WDR81: variants seen among roughly 807,000 people sequenced by gnomAD.
The protein encoded by WDR81 is WD repeat-containing protein 81.
A neutral mutation model predicts 140.8 loss-of-function variants in WDR81; 92 were observed. The observed-to-expected ratio is 0.65, with a 90% CI of 0.55 to 0.78. The LOEUF is 0.78. WDR81 is among the 30% of genes least tolerant of loss of function. WDR81 has a pLI of 0.00. For missense variants in WDR81, 2,502 were observed against 2,636.4 expected (o/e 0.95, Z 1.12); for synonymous variants, 1,183 against 1,156.4 (o/e 1.02, Z -0.47).
chr17:1,720,077 T>A (rs768121162), upstream of WDR81, among the ~76,000 whole-genome samples: 2 of 152,032 alleles, frequency 1.3e-5, no homozygotes. Context: ...GTAGATTTAA[T>A]TAGAAAACAC....
In WDR81 at chr17:1,725,441, C is replaced by T. The variant is rs374149596; in HGVS notation, c.482C>T (p.Pro161Leu). The change falls in exon 1 of 10, where the codon CCG becomes CTG. Residue 161 changes from proline to leucine, a missense_variant. Coordinates refer to ENST00000409644, the MANE Select transcript of WDR81 (RefSeq NM_001163809.2). ...WRHAYHTYGQPYSHSPAPSAV... is the reference protein window; with the variant it reads ...WRHAYHTYGQLYSHSPAPSAV... ...CATGCATACCACACTTACGGCCAGCCGTACAGTCACAGCCCTGCCCCCTCA... is the reference window on the plus strand; with the variant it reads ...CATGCATACCACACTTACGGCCAGCTGTACAGTCACAGCCCTGCCCCCTCA... 34 of 1,549,322 alleles carry T rather than the reference C, an allele frequency of 2.2e-5. No individual in the cohort carries two copies. The highest frequency in any genetic ancestry group is 2.7e-5 in the Non-Finnish European group (31 of 1,146,996).
chr17:1,722,151 G>A (rs888881784), upstream of WDR81, among the ~76,000 whole-genome samples: 4 of 151,950 alleles, frequency 2.6e-5, no homozygotes, highest in Non-Finnish European at 5.9e-5. Context: ...TAAAAGGGGT[G>A]GTGAGGATTA....
chr17:1,736,837 G>T lies in WDR81; in HGVS notation c.5506-528G>T, dbSNP rs536036325. Among the ~76,000 whole-genome samples the T allele has an allele frequency of 2.0e-5, 3 of 152,288 alleles. No homozygotes were observed. In the East Asian group the frequency reaches 5.8e-4, roughly 29 times the overall value. On this transcript the variant is annotated intron_variant, in intron 9 of 9. Transcript: ENST00000409644. ...GACTTTCCTCCCCAGCTTGGCTGGA[G>T]GCCAGGAGTCTTGCATTGCCCTGCT...
rs749630798 is a variant in WDR81, at chr17:1,726,305, C to G, written c.1346C>G (p.Thr449Arg). 3 of 1,543,730 alleles carry G rather than the reference C, an allele frequency of 1.9e-6. No homozygotes were observed. Among genetic ancestry groups the G allele is most frequent in the Non-Finnish European group, 2.6e-6 (3 of 1,142,546 alleles). ...HHISDVLSDI[T>R]YYVYKARRTP... is the part of the protein sequence containing the mutation. The stretch of plus-strand genomic sequence containing the variant: ...ATCTCAGACGTGCTCTCCGACATCA[C>G]GTACTATGTGTACAAGGCTCGGCGC... The change falls in exon 1 of 10, where the codon ACG (threonine) becomes AGG (arginine). Residue 449 changes from threonine (T) to arginine (R), a missense_variant. Transcript: ENST00000409644.
chr17:1,722,340 T>A (rs1914911634), upstream of WDR81, among the ~76,000 whole-genome samples: 1 of 150,588 alleles, frequency 6.6e-6, no homozygotes, highest in South Asian at 2.1e-4. Context: ...ATTCCTGTTT[T>A]CTCTCTCTTT....
chr17:1,735,674 A>C lies in WDR81; in HGVS notation c.5282A>C (p.Asp1761Ala). The C allele has an allele frequency of 6.2e-7, 1 of 1,612,686 alleles. No individual in the cohort carries two copies. Among genetic ancestry groups the C allele is most frequent in the South Asian group, 1.1e-5 (1 of 91,060 alleles). Reference sequence around the variant, plus strand: ...ACCAGCATCACCATGGCCAGCTCTGACTCTACCCTGCGCTTTGTGGACTGC... The same window carrying C: ...ACCAGCATCACCATGGCCAGCTCTGCCTCTACCCTGCGCTTTGTGGACTGC... ...PHTSITMASSDSTLRFVDCRK... is the reference protein window; with the variant it reads ...PHTSITMASSASTLRFVDCRK... The change falls in exon 8 of 10, where the codon GAC becomes GCC. Residue 1761 changes from aspartate to alanine, a missense_variant. By Grantham distance (126) the Asp-to-Ala change is moderately radical (BLOSUM62 -2). This residue lies in a region of WDR81 where 1,737 missense variants were observed against 1,843.0 expected (regional missense o/e 0.94). Transcript: ENST00000409644. The surrounding 1 kb of genome is among the most constrained non-coding windows in gnomAD (Gnocchi z 4.2).
chr17:1,731,320 G>T, intron 4 of WDR81, 62 bp downstream of exon 4: 1 of 1,547,088 alleles, frequency 6.5e-7, no homozygotes, highest in Non-Finnish European at 8.7e-7. Context: ...CCCAGGAGGG[G>T]GTGGGAAGCT....
chr17:1,724,448 C>T (rs1915068301), upstream of WDR81: 4 of 982,636 alleles, frequency 4.1e-6, no homozygotes, highest in Non-Finnish European at 4.8e-6. Context: ...CTGGGAACAG[C>T]CTCCGGGACC....
At position 1,735,140 on chromosome 17, in the gene WDR81, C is replaced by CA. The variant is rs1179692833; in HGVS notation, c.5180-425dup. 2.6e-5 allele frequency among the ~76,000 whole-genome samples: 4 copies of CA among 151,856 alleles called. No homozygotes were observed. In the East Asian group the frequency reaches 7.8e-4, roughly 29 times the overall value. On this transcript the variant is annotated intron_variant, in intron 7 of 9. Transcript: ENST00000409644. The surrounding 1 kb of genome is among the most constrained non-coding windows in gnomAD (Gnocchi z 4.2). The stretch of plus-strand genomic sequence containing the variant: ...TGAAACCCCATCTCTACTAAGAATA[C>CA]AAAAAAAGGCCGGACGCGGTGGCTC...
At chr17:1,737,224 TG>T in intron 9 of WDR81, 140 bp from the exon 10 acceptor site, 1 of 702,544 alleles carries the variant, frequency 1.4e-6, no homozygotes, top group Non-Finnish European at 2.3e-6. Context: ...ATGGTGTGTG[TG>T]GGAGGGTGGC....
In WDR81 at chr17:1,724,740, C is replaced by T; in HGVS notation, c.-220C>T. 1 of 1,115,426 alleles carries T rather than the reference C, an allele frequency of 9.0e-7. No homozygotes were observed. Among genetic ancestry groups the T allele is most frequent in the Non-Finnish European group, 1.1e-6 (1 of 914,566 alleles). The allele number at this position is 1,115,426 out of a possible 1,614,324, so 69.1% of individuals were successfully genotyped here. On this transcript the variant is annotated 5_prime_UTR_variant, in exon 1 of 10. Transcript: ENST00000409644. ...CACGGTGGAGCCCGGTGCTCGCGCC[C>T]GGCAGCCTCTGCCCCGCCGCGCCCG...
In WDR81 at chr17:1,737,989, T is replaced by G; in HGVS notation, c.*304T>G. On this transcript the variant is annotated 3_prime_UTR_variant, in exon 10 of 10. Transcript: ENST00000409644. The stretch of plus-strand genomic sequence containing the variant: ...TTCACTTCTCCCCAGCTCTGCCCTC[T>G]GGGTCCACATGAGGACAGGGAAGCT... 1 of 476,284 alleles carries G rather than the reference T, an allele frequency of 2.1e-6. No individual in the cohort carries two copies. Among genetic ancestry groups the G allele is most frequent in the Non-Finnish European group, 3.8e-6 (1 of 263,904 alleles). The allele number at this position is 476,284 out of a possible 1,614,324, so 29.5% of individuals were successfully genotyped here. A position where few individuals can be genotyped will look rare whatever the true frequency, so the allele number is the denominator to read the frequency against.
Position 1,730,372 on chromosome 17 carries a change from C to T in WDR81, c.3668-8C>T. The T allele has an allele frequency of 6.2e-7, 1 of 1,608,302 alleles. No homozygotes were observed. The highest frequency in any genetic ancestry group is 8.5e-7 in the Non-Finnish European group (1 of 1,177,466). On this transcript the variant is annotated splice_region_variant and splice_polypyrimidine_tract_variant and intron_variant, in intron 1 of 9. Coordinates refer to ENST00000409644, the MANE Select transcript of WDR81 (RefSeq NM_001163809.2). ...CTGAGGAGCTCAGGGCCTGCTCCCACCCCGCAGATACAGCCTGCAAGATGG... is the reference window on the plus strand; with the variant it reads ...CTGAGGAGCTCAGGGCCTGCTCCCATCCCGCAGATACAGCCTGCAAGATGG...
At chr17:1,732,645 C>T (rs367792121) in intron 5 of WDR81, 21 bp from the exon 6 acceptor site, 26 of 1,589,334 alleles carry the variant, frequency 1.6e-5, no homozygotes, top group Non-Finnish European at 2.1e-5. Flanking sequence ...CCGGCTGACC[C>T]CCTGGGTGTC....
rs1410394839 is a variant in WDR81 at position 1,728,064 on chromosome 17, GC to G, written c.3106del (p.Leu1036CysfsTer56). 1 of 1,579,358 alleles carries G rather than the reference GC, an allele frequency of 6.3e-7. No homozygotes were observed. The highest frequency in any genetic ancestry group is 1.3e-5 in the African/African-American group (1 of 74,132). On this transcript the variant is annotated frameshift_variant, in exon 1 of 10. Transcript: ENST00000409644. LOFTEE classifies it high-confidence loss of function. ...GGGCTGCTGAGGAGGAGGAGAGCGG[GC>G]TGCCCGGGGCCGGGCCTGGCTCCTG... ...AGAAEEEESG[L>X]PGAGPGSCAF...
chr17:1,720,265 C>G, upstream of WDR81, among the ~76,000 whole-genome samples: 1 of 152,248 alleles, frequency 6.6e-6, no homozygotes, highest in African/African-American at 2.4e-5. Context: ...CCAAGGGGAG[C>G]GGCTAATTTG....
At chr17:1,733,312 C>T (rs1006003665) in intron 6 of WDR81, among the ~76,000 whole-genome samples, 2 of 152,204 alleles carry the variant, frequency 1.3e-5, no homozygotes, top group East Asian at 1.9e-4. Context: ...GTGCCCAGCA[C>T]GGCACGGCAC....
At position 1,731,182 on chromosome 17, in the gene WDR81, C is replaced by T. The variant is rs977939697; in HGVS notation, c.4081C>T (p.Leu1361Phe). The change falls in exon 4 of 10, where the codon CTC (leucine) becomes TTC (phenylalanine). Residue 1361 changes from leucine to phenylalanine, a missense_variant. Physicochemically the swap from Leu to Phe is conservative, Grantham distance 22 (BLOSUM62 0). This residue lies in a region of WDR81 where 1,737 missense variants were observed against 1,843.0 expected (regional missense o/e 0.94). Transcript: ENST00000409644. The stretch of plus-strand genomic sequence containing the variant: ...CATCGTGTACCTCTCAGACACCACA[C>T]TCATGGACATCCTGCCCCGGATCAG... ...KIIVYLSDTT[L>F]MDILPRISHE... The T allele has an allele frequency of 6.2e-7, 1 of 1,613,592 alleles. No homozygotes were observed. The highest frequency in any genetic ancestry group is 8.5e-7 in the Non-Finnish European group (1 of 1,180,026).
In WDR81 at chr17:1,725,345, C is replaced by T. The variant is rs1191178006; in HGVS notation, c.386C>T (p.Ser129Phe). 1 of 1,549,186 alleles carries T rather than the reference C, an allele frequency of 6.5e-7. No individual in the cohort carries two copies. Among genetic ancestry groups the T allele is most frequent in the Non-Finnish European group, 8.7e-7 (1 of 1,146,950 alleles). The change falls in exon 1 of 10, where the codon TCC becomes TTC. Residue 129 changes from serine (S) to phenylalanine (F), a missense_variant. Physicochemically the swap from Ser to Phe is radical, Grantham distance 155. Coordinates refer to ENST00000409644, the MANE Select transcript of WDR81 (RefSeq NM_001163809.2). ...GGGGGCCTGCCCTTTGAGGACGGGT[C>T]CTGCGGCCCTGAGACCCTCACTCGC... is the stretch of plus-strand genomic sequence containing the variant. ...LGGGLPFEDG[S>F]CGPETLTRFM...
Sources: allele counts gnomAD v4.1 joint callset (sites outside exome capture counted in the v4.1 genomes callset), GRCh38; gene constraint gnomAD v4.1.1; regional missense constraint gnomAD v4.1.1; non-coding constraint Gnocchi (gnomAD v3.1); transcripts MANE v1.5; gene names NCBI Gene and HGNC (gene_info 2026-07-23, HGNC 2026-07-21).